MCM10: variants seen among roughly 807,000 people sequenced by gnomAD.
MCM10 encodes the protein protein MCM10 homolog.
A neutral mutation model predicts 109.9 loss-of-function variants in MCM10; 91 were observed. The observed-to-expected ratio is 0.83, with a 90% confidence interval of 0.70 to 0.99. MCM10 has a LOEUF of 0.99. Ranked by LOEUF, MCM10 falls within the 50% of genes least tolerant of loss-of-function variation. The pLI, the probability that MCM10 is intolerant of heterozygous loss-of-function variation, is 0.00. For missense variants in MCM10, 1,077 were observed against 1,061.2 expected, an observed-to-expected ratio of 1.01 and a Z score of -0.21; for synonymous variants, 380 against 387.2, an observed-to-expected ratio of 0.98 and a Z score of 0.22.
chr10:13,167,938 G>T (rs1834023160), intron 2 of MCM10, among the ~76,000 whole-genome samples: 1 of 152,212 alleles, frequency 6.6e-6, no homozygotes, highest in Admixed American at 6.5e-5. Flanking sequence ...AGGGGTTTGA[G>T]AACAAAGAGG....
chr10:13,166,878 C>T (rs1309167252), intron 2 of MCM10, among the ~76,000 whole-genome samples: 2 of 151,808 alleles, frequency 1.3e-5, no homozygotes, highest in African/African-American at 2.4e-5. Context: ...GTTGATCATA[C>T]CTGTAGTCCC....
chr10:13,167,810 A>T (rs1239414129), intron 2 of MCM10, among the ~76,000 whole-genome samples: 3 of 152,188 alleles, frequency 2.0e-5, no homozygotes, highest in Non-Finnish European at 2.9e-5. Context: ...AGACATTGCC[A>T]TGTGAGGTGT....
chr10:13,171,389 A>C (rs1834071694), intron 3 of MCM10, 126 bp downstream of exon 3: 1 of 906,868 alleles, frequency 1.1e-6, no homozygotes, highest in Non-Finnish European at 1.6e-6. Context: ...AAAAAAAGAA[A>C]AAAAGAAAGA....
At chr10:13,166,657 CATACATATATATATATATAT>C (rs1834003471) in intron 2 of MCM10, among the ~76,000 whole-genome samples, 2 of 19,958 alleles carry the variant, frequency 1.0e-4, no homozygotes, top group African/African-American at 2.9e-4. Flanking sequence ...AAAATACATA[CATACATATATATATATATAT>C]ATATATATAT....
intron 17 of MCM10, 103 bp downstream of exon 17, chr10:13,201,637 A>G: frequency 1.2e-6 from 1 of 827,584 alleles, no homozygotes; most frequent in Non-Finnish European, 2.0e-6. Context: ...CTATCTCGTG[A>G]TGTGTCAGTT....
At chr10:13,195,780 T>A (rs950800683) in intron 14 of MCM10, among the ~76,000 whole-genome samples, 1 of 151,100 alleles carries the variant, frequency 6.6e-6, no homozygotes, top group African/African-American at 2.4e-5. Flanking sequence ...CCGGCTAATT[T>A]TTAGTAGAGA....
At chr10:13,194,538 T>C (rs955753775) in intron 13 of MCM10, among the ~76,000 whole-genome samples, 1 of 118,550 alleles carries the variant, frequency 8.4e-6, no homozygotes, top group Non-Finnish European at 2.1e-5. Context: ...ACAGCGAGAC[T>C]CTGTCTCAAA....
In MCM10 at chr10:13,192,545, G is replaced by A. The variant is rs753156982; in HGVS notation, c.1722G>A (p.Arg574=). 1 of 1,614,124 alleles carries A rather than the reference G, an allele frequency of 6.2e-7. No individual in the cohort carries two copies. The highest frequency in any genetic ancestry group is 1.1e-5 in the South Asian group (1 of 91,070). The change falls in exon 13 of 20, where the codon AGG becomes AGA. Residue 574 remains arginine, a synonymous_variant. Transcript: ENST00000378714. ...QKQRMLEMRR[R]KSEEIQKRFL... ...AGCGGATGTTGGAGATGAGGAGAAG[G>A]AAATCAGAAGAAATACAGAAGCGGT...
intron 1 of MCM10, among the ~76,000 whole-genome samples, chr10:13,163,521 C>A (rs1302916296): frequency 6.6e-6 from 1 of 152,166 alleles, no homozygotes; most frequent in Non-Finnish European, 1.5e-5. Flanking sequence ...ATTAGCTACG[C>A]TGTTTCTCTG....
chr10:13,171,204 A>C lies in MCM10; in HGVS notation c.290A>C (p.Glu97Ala). 1 of 1,614,172 alleles carries C rather than the reference A, an allele frequency of 6.2e-7. No individual in the cohort carries two copies. The highest frequency in any genetic ancestry group is 8.5e-7 in the Non-Finnish European group (1 of 1,180,022). Residue 97 changes from glutamate (E) to alanine (A), a missense_variant, in exon 3 of 20, where the codon GAA (glutamate) becomes GCA (alanine). By Grantham distance (107) the Glu-to-Ala change is moderately radical. Coordinates refer to ENST00000378714, the MANE Select transcript of MCM10 (RefSeq NM_018518.5). ...GAAGTTCCCGCATCACAGTCAACTGAAAATAGGGTCCTCCCTGCTCCTGCC... is the reference window on the plus strand; with the variant it reads ...GAAGTTCCCGCATCACAGTCAACTGCAAATAGGGTCCTCCCTGCTCCTGCC... ...EEEVPASQST[E>A]NRVLPAPAPR...
At chr10:13,175,716 G>A (rs776459059) in intron 6 of MCM10, 35 bp downstream of exon 6, 12 of 1,491,134 alleles carry the variant, frequency 8.0e-6, no homozygotes, top group East Asian at 4.6e-5. Flanking sequence ...TGTGCGCCAC[G>A]GCATAGCTTT....
intron 9 of MCM10, among the ~76,000 whole-genome samples, chr10:13,187,224 C>T (rs1321209760): frequency 6.6e-6 from 1 of 152,166 alleles, no homozygotes; most frequent in African/African-American, 2.4e-5. Context: ...ATAATGGAAT[C>T]ACAATATGTG....
At chr10:13,169,328 A>T (rs545403449) in intron 2 of MCM10, among the ~76,000 whole-genome samples, 1 of 152,182 alleles carries the variant, frequency 6.6e-6, no homozygotes, top group African/African-American at 2.4e-5. Context: ...TCTTTTGCCT[A>T]TTAAATCTCT....
At chr10:13,166,982 ATATT>A (rs1179975876) in intron 2 of MCM10, among the ~76,000 whole-genome samples, 10 of 151,824 alleles carry the variant, frequency 6.6e-5, no homozygotes, top group African/African-American at 2.4e-4. Context: ...CTACAAAAAA[ATATT>A]TAATAAGCTG....
chr10:13,204,764 A>G (rs1834548302), intron 18 of MCM10, among the ~76,000 whole-genome samples: 1 of 152,078 alleles, frequency 6.6e-6, no homozygotes, highest in Non-Finnish European at 1.5e-5. Context: ...TTCAGTATCC[A>G]AGGGGCATTG....
intron 14 of MCM10, among the ~76,000 whole-genome samples, chr10:13,197,152 A>G (rs12413127): frequency 0.088 from 13,423 of 151,992 alleles, 836 homozygotes; most frequent in East Asian, 0.24. Flanking sequence ...TAAACTCCCG[A>G]GCTCAAGAAA....
chr10:13,199,034 T>C (rs954270551), intron 16 of MCM10, among the ~76,000 whole-genome samples: 6 of 152,174 alleles, frequency 3.9e-5, no homozygotes, highest in Non-Finnish European at 8.8e-5. Context: ...TAGCTGGGAT[T>C]ACAGGTGCCT....
intron 17 of MCM10, 139 bp from the exon 18 acceptor site, chr10:13,204,080 G>T: frequency 1.1e-6 from 1 of 885,416 alleles, no homozygotes; most frequent in Non-Finnish European, 1.7e-6. Flanking sequence ...AAGAGGCGAA[G>T]GTGGCCCAGT....
chr10:13,173,968 A>G (rs1834108456), intron 5 of MCM10, among the ~76,000 whole-genome samples: 1 of 152,104 alleles, frequency 6.6e-6, no homozygotes, highest in South Asian at 2.1e-4. Flanking sequence ...TCTGACTTTC[A>G]GGAGAATTAT....
Sources: gnomAD v4.1 joint callset for allele counts (sites outside exome capture counted in the v4.1 genomes callset) on GRCh38, gnomAD v4.1.1 for gene constraint, MANE v1.5 for transcripts, NCBI Gene and HGNC (gene_info 2026-07-23, HGNC 2026-07-21) for gene names.